VTI1A: variants seen among roughly 807,000 people sequenced by gnomAD.
VTI1A encodes vesicle transport through interaction with t-SNAREs 1A.
A neutral mutation model predicts 34.9 loss-of-function variants in VTI1A; 22 were observed. That is an observed-to-expected ratio of 0.63 (90% CI 0.45 to 0.90). The LOEUF (loss-of-function observed/expected upper bound fraction) is 0.90. VTI1A is among the 40% of genes least tolerant of loss of function. The probability of loss-of-function intolerance (pLI) is 0.00; values close to 1 mark genes in which losing one functional copy is unlikely to be tolerated. For missense variants in VTI1A, 268 were observed against 275.6 expected (o/e 0.97, Z 0.20); for synonymous variants, 87 against 97.3 (o/e 0.89, Z 0.62).
intron 7 of VTI1A, among the ~76,000 whole-genome samples, chr10:112,753,467 G>A (rs1241789746): frequency 1.3e-5 from 2 of 152,134 alleles, no homozygotes; most frequent in Non-Finnish European, 2.9e-5. Flanking sequence ...TAAAAAGAGA[G>A]AATTTTCCCT....
intron 5 of VTI1A, among the ~76,000 whole-genome samples, chr10:112,575,665 C>T (rs1357387968): frequency 2.6e-5 from 4 of 152,126 alleles, no homozygotes; most frequent in Non-Finnish European, 5.9e-5. Flanking sequence ...AACAAAATTA[C>T]CTTTTACCTT....
intron 3 of VTI1A, among the ~76,000 whole-genome samples, chr10:112,498,945 T>C (rs1849125020): frequency 6.6e-6 from 1 of 151,974 alleles, no homozygotes; most frequent in African/African-American, 2.4e-5. Context: ...TCCAGTAGAG[T>C]TTTATCTAAA....
At chr10:112,471,952 A>G (rs1027546706) in intron 3 of VTI1A, among the ~76,000 whole-genome samples, 1 of 152,248 alleles carries the variant, frequency 6.6e-6, no homozygotes, top group Non-Finnish European at 1.5e-5. Context: ...GTAAATAGAA[A>G]AAGAAAGAAA....
chr10:112,764,254 C>G (rs1234270515), intron 7 of VTI1A, among the ~76,000 whole-genome samples: 3 of 152,148 alleles, frequency 2.0e-5, no homozygotes, highest in Non-Finnish European at 4.4e-5. Context: ...CTACTTAACC[C>G]CAATCAGTGC....
chr10:112,678,642 C>T (rs565654705), intron 7 of VTI1A, among the ~76,000 whole-genome samples: 7 of 152,168 alleles, frequency 4.6e-5, no homozygotes, highest in Non-Finnish European at 8.8e-5. Flanking sequence ...TTTGTTTGAA[C>T]GCTCACATTG....
intron 7 of VTI1A, among the ~76,000 whole-genome samples, chr10:112,778,516 A>G (rs1423100331): frequency 5.9e-5 from 9 of 152,244 alleles, no homozygotes; most frequent in Non-Finnish European, 1.2e-4. Flanking sequence ...AAAAGAATTT[A>G]ATTATTCTAT....
At chr10:112,819,787 G>A (rs1416214822), downstream of VTI1A, among the ~76,000 whole-genome samples, 3 of 152,162 alleles carry the variant, frequency 2.0e-5, no homozygotes, top group African/African-American at 7.2e-5. Flanking sequence ...TATGGCTGCT[G>A]TCTATGTCTG....
At chr10:112,647,958 C>A (rs1353117438) in intron 5 of VTI1A, among the ~76,000 whole-genome samples, 3 of 152,046 alleles carry the variant, frequency 2.0e-5, no homozygotes, top group Admixed American at 2.0e-4. Context: ...TTGGTAGAGA[C>A]CAAGTTTTGC....
intron 1 of VTI1A, among the ~76,000 whole-genome samples, chr10:112,458,997 C>A (rs921208118): frequency 6.6e-5 from 10 of 152,268 alleles, no homozygotes; most frequent in African/African-American, 2.4e-4. Context: ...AAAGCTTCCC[C>A]ACTTAGGATT....
At chr10:112,513,848 A>G (rs1849691510) in intron 3 of VTI1A, among the ~76,000 whole-genome samples, 2 of 151,968 alleles carry the variant, frequency 1.3e-5, no homozygotes, top group Non-Finnish European at 2.9e-5. Context: ...ATTGATTTGC[A>G]TATATTGAAC....
At chr10:112,665,130 G>A (rs1847595341) in intron 5 of VTI1A, among the ~76,000 whole-genome samples, 1 of 151,980 alleles carries the variant, frequency 6.6e-6, no homozygotes, top group African/African-American at 2.4e-5. Context: ...TGGTGTTTTT[G>A]GTGAATGCTT....
chr10:112,604,328 G>A (rs1244712851), intron 5 of VTI1A, among the ~76,000 whole-genome samples: 5 of 152,118 alleles, frequency 3.3e-5, no homozygotes, highest in African/African-American at 4.8e-5. Flanking sequence ...AAGTTCATAC[G>A]TGTAAAGAGT....
At chr10:112,516,178 G>A (rs1215456226) in intron 3 of VTI1A, among the ~76,000 whole-genome samples, 1 of 152,002 alleles carries the variant, frequency 6.6e-6, no homozygotes, top group East Asian at 1.9e-4. Context: ...TATTCCTCAG[G>A]TCCACAAATC....
intron 5 of VTI1A, among the ~76,000 whole-genome samples, chr10:112,544,640 A>T (rs1481067750): frequency 6.6e-6 from 1 of 151,832 alleles, no homozygotes; most frequent in Non-Finnish European, 1.5e-5. Flanking sequence ...AAAAAAAAGG[A>T]TAACTGATAA....
intron 5 of VTI1A, among the ~76,000 whole-genome samples, chr10:112,569,413 A>G (rs1358180177): frequency 6.6e-6 from 1 of 152,226 alleles, no homozygotes; most frequent in Non-Finnish European, 1.5e-5. Flanking sequence ...CAAATCCTTT[A>G]CTTTTTTTCA....
At position 112,593,902 on chromosome 10, in the gene VTI1A, A is replaced by G. The variant is rs1486236965; in HGVS notation, c.427+55572A>G. On this transcript the variant is annotated intron_variant, in intron 5 of 7. Coordinates refer to ENST00000393077, the MANE Select transcript of VTI1A (RefSeq NM_145206.4). ...CAGGTGCCCGCCACCACGCCCGGCT[A>G]ATTTTTTTTTTATTATTATTATTTT... Among the ~76,000 whole-genome samples the G allele has an allele frequency of 6.7e-5, 3 of 44,550 alleles. No individual in the cohort carries two copies. In the East Asian group the frequency reaches 9.7e-4, roughly 14 times the overall value. 29.2% of individuals were successfully genotyped at this position (44,550 alleles called of 152,430 possible). A position where few individuals can be genotyped will look rare whatever the true frequency, so the allele number is the denominator to read the frequency against.
intron 5 of VTI1A, among the ~76,000 whole-genome samples, chr10:112,610,762 C>CA (rs752684331): frequency 3.2e-4 from 49 of 151,582 alleles, no homozygotes; most frequent in Admixed American, 1.4e-3. Context: ...TAAAAATACA[C>CA]AAAAAAACTA....
At chr10:112,480,058 T>C (rs1168609754) in intron 3 of VTI1A, among the ~76,000 whole-genome samples, 1 of 152,118 alleles carries the variant, frequency 6.6e-6, no homozygotes, top group Non-Finnish European at 1.5e-5. Flanking sequence ...AGCAAGAAAA[T>C]AGCCCTATAA....
At chr10:112,848,773 C>A in the VTI1A span, among the ~76,000 whole-genome samples, 4 of 152,194 alleles carry the variant, frequency 2.6e-5, no homozygotes, top group South Asian at 8.3e-4. Context: ...ATACGGAGCC[C>A]AGAGACTGCC....
Sources: allele counts gnomAD v4.1 joint callset (sites outside exome capture counted in the v4.1 genomes callset), GRCh38; gene constraint gnomAD v4.1.1; transcripts MANE v1.5; gene names NCBI Gene and HGNC (gene_info 2026-07-23, HGNC 2026-07-21).